The following EPHB2 variants were observed in gnomAD, a reference collection of about 807,000 sequenced individuals.
EPHB2 encodes EPH receptor B2, also known as ephrin type-B receptor 2.
In EPHB2, 18 loss-of-function variants were observed where a neutral mutation model predicts 96.4. The observed-to-expected ratio is 0.19, with a 90% CI of 0.13 to 0.28. The LOEUF is 0.28. Ranked by LOEUF, EPHB2 falls within the 10% of genes least tolerant of loss-of-function variation. The pLI, the probability that EPHB2 is intolerant of heterozygous loss-of-function variation, is 1.00. For missense variants in EPHB2, 989 were observed against 1,355.4 expected, an observed-to-expected ratio of 0.73 and a Z score of 4.25; for synonymous variants, 506 against 534.1, an observed-to-expected ratio of 0.95 and a Z score of 0.72.
chr1:22,817,937 C>CAGCGTATA (rs1645096911), intron 3 of EPHB2, among the ~76,000 whole-genome samples: 3 of 152,154 alleles, frequency 2.0e-5, no homozygotes, highest in African/African-American at 7.2e-5. Flanking sequence ...GGACAGAGGT[C>CAGCGTATA]AGCGTATAAG....
intron 3 of EPHB2, among the ~76,000 whole-genome samples, chr1:22,838,158 GC>G (rs1645412188): frequency 1.3e-5 from 2 of 152,192 alleles, no homozygotes; most frequent in African/African-American, 4.8e-5. Flanking sequence ...TGTGACCCTA[GC>G]AGATCCCATG....
Position 22,909,251 on chromosome 1 carries a change from C to T in EPHB2, c.2502+80C>T, listed in dbSNP as rs1437242273. 11 of 1,605,900 alleles carry T rather than the reference C, an allele frequency of 6.8e-6. No individual in the cohort carries two copies. In the Admixed American group the frequency reaches 1.3e-4, roughly 20 times the overall value. ...AAGATCGGGGCTCCTGGCCTTGTGC[C>T]AGTCTCCCAGAGTGTGGGACATAGG... On this transcript the variant is annotated intron_variant, in intron 13 of 15. Transcript: ENST00000374630.
At chr1:22,781,605 CCT>C (rs1644534427) in intron 2 of EPHB2, 120 bp downstream of exon 2, 4 of 913,902 alleles carry the variant, frequency 4.4e-6, no homozygotes, top group Admixed American at 2.0e-5. Context: ...CAGAGCCAGG[CCT>C]CTCTCAGCCC....
chr1:22,784,973 C>A lies in EPHB2; in HGVS notation c.708C>A (p.Pro236=), dbSNP rs146009391. Residue 236 remains proline (P), a synonymous_variant, in exon 3 of 16, where the codon CCC becomes CCA. Transcript: ENST00000374630. The surrounding 1 kb of genome is among the most constrained non-coding windows in gnomAD (Gnocchi z 5.1). ...CCAATGCGGAAGAGGTGGATGTACCCATCAAGCTCTACTGTAACGGGGACG... is the reference window on the plus strand; with the variant it reads ...CCAATGCGGAAGAGGTGGATGTACCAATCAAGCTCTACTGTAACGGGGACG... ...CIANAEEVDV[P]IKLYCNGDGE... is the part of the protein sequence containing the mutation. 5 of 1,614,034 alleles carry A rather than the reference C, an allele frequency of 3.1e-6. No individual in the cohort carries two copies. The highest frequency in any genetic ancestry group is 3.4e-6 in the Non-Finnish European group (4 of 1,180,056).
chr1:22,887,573 T>C (rs1016595492), intron 6 of EPHB2, among the ~76,000 whole-genome samples: 34 of 152,208 alleles, frequency 2.2e-4, no homozygotes, highest in Admixed American at 2.2e-3. Flanking sequence ...AGCTGACAAC[T>C]GCGTTGCTAG....
intron 3 of EPHB2, among the ~76,000 whole-genome samples, chr1:22,809,559 C>T (rs1017759568): frequency 6.6e-6 from 1 of 152,068 alleles, no homozygotes; most frequent in Non-Finnish European, 1.5e-5. Context: ...GAATCCTCAC[C>T]ATCTCTCTGC....
At chr1:22,852,429 G>A (rs1301648905) in intron 3 of EPHB2, among the ~76,000 whole-genome samples, 1 of 152,228 alleles carries the variant, frequency 6.6e-6, no homozygotes, top group African/African-American at 2.4e-5. Flanking sequence ...CTTCACCAGA[G>A]TGGGGAGCCA....
In EPHB2 at chr1:22,895,532, G is replaced by C. The variant is rs991894179; in HGVS notation, c.1652G>C (p.Gly551Ala). The C allele has an allele frequency of 6.2e-7, 1 of 1,614,242 alleles. No homozygotes were observed. The highest frequency in any genetic ancestry group is 8.5e-7 in the Non-Finnish European group (1 of 1,180,038). ...CTCATCATCGGCTCCTCGGCCGCTG[G>C]CCTGGTCTTCCTCATTGCTGTGGTT... is the stretch of plus-strand genomic sequence containing the variant. Reference protein sequence around the residue: ...LPLIIGSSAAGLVFLIAVVVI... With the variant: ...LPLIIGSSAAALVFLIAVVVI... Residue 551 changes from glycine to alanine, a missense_variant, in exon 8 of 16, where the codon GGC becomes GCC. Coordinates refer to ENST00000374630, the MANE Select transcript of EPHB2 (RefSeq NM_017449.5).
At chr1:22,752,401 G>T (rs991738735) in intron 1 of EPHB2, among the ~76,000 whole-genome samples, 1 of 152,190 alleles carries the variant, frequency 6.6e-6, no homozygotes, top group South Asian at 2.1e-4. Context: ...GGAAGCTGAG[G>T]TGGGAGGATG....
At chr1:22,894,929 T>C (rs1171263925) in intron 7 of EPHB2, among the ~76,000 whole-genome samples, 1 of 152,224 alleles carries the variant, frequency 6.6e-6, no homozygotes, top group African/African-American at 2.4e-5. Context: ...TAATATTGAT[T>C]GAATGCTTGC....
At chr1:22,741,939 G>C (rs1046599250) in intron 1 of EPHB2, among the ~76,000 whole-genome samples, 1 of 152,102 alleles carries the variant, frequency 6.6e-6, no homozygotes, top group Non-Finnish European at 1.5e-5. Context: ...AACTAGTTCT[G>C]TGTCTCCAGT....
intron 1 of EPHB2, among the ~76,000 whole-genome samples, chr1:22,778,699 TC>T (rs1644487125): frequency 6.6e-6 from 1 of 152,212 alleles, no homozygotes; most frequent in Non-Finnish European, 1.5e-5. Flanking sequence ...TTACTTCCAG[TC>T]CTTCTGAGAT....
intron 1 of EPHB2, among the ~76,000 whole-genome samples, chr1:22,744,926 T>C (rs550411334): frequency 6.6e-6 from 1 of 152,028 alleles, no homozygotes; most frequent in African/African-American, 2.4e-5. Flanking sequence ...TCAGTGGAAG[T>C]AGATTGTCAT....
chr1:22,849,293 T>C (rs1645589085), intron 3 of EPHB2, among the ~76,000 whole-genome samples: 2 of 152,178 alleles, frequency 1.3e-5, no homozygotes, highest in South Asian at 4.1e-4. Context: ...AAGTGATCCC[T>C]CTGAGGACCG....
intron 1 of EPHB2, among the ~76,000 whole-genome samples, chr1:22,755,548 G>T (rs535168267): frequency 5.3e-5 from 8 of 152,108 alleles, no homozygotes; most frequent in Non-Finnish European, 7.4e-5. Flanking sequence ...TAGACAAATG[G>T]TGAGGACAGA....
At chr1:22,719,421 G>A (rs1374404636) in intron 1 of EPHB2, 5 of 154,214 alleles carry the variant, frequency 3.2e-5, no homozygotes, top group Non-Finnish European at 7.3e-5. Flanking sequence ...TGTTTCTGGC[G>A]TTTCTGAAAA....
intron 2 of EPHB2, 94 bp downstream of exon 2, chr1:22,781,579 C>G: frequency 7.6e-7 from 1 of 1,313,356 alleles, no homozygotes. Flanking sequence ...TAACCCCTTT[C>G]CCCCTCTTCA....
rs1027638988 is a variant in EPHB2, at chr1:22,863,973, C to T, written c.967+781C>T. ...AACTCCCGGGCTCAAGGAATCTTCC[C>T]GCATCCTCCCAAAGTGCTGGATTAC... On this transcript the variant is annotated intron_variant, in intron 4 of 15. Coordinates refer to ENST00000374630, the MANE Select transcript of EPHB2 (RefSeq NM_017449.5). Among the ~76,000 whole-genome samples, 6 of 152,038 alleles carry T rather than the reference C, an allele frequency of 3.9e-5. No individual in the cohort carries two copies. The East Asian group carries it at 7.7e-4, about 20-fold the overall frequency.
At chr1:22,759,378 AC>A (rs5773018) in intron 1 of EPHB2, among the ~76,000 whole-genome samples, 140,665 of 151,926 alleles carry the variant, frequency 0.93, 66,090 homozygotes, top group East Asian at 1. Flanking sequence ...TCTCAACAGT[AC>A]CTGTTACTCT....
Sources: gnomAD v4.1 joint callset for allele counts (sites outside exome capture counted in the v4.1 genomes callset) on GRCh38, gnomAD v4.1.1 for gene constraint, Gnocchi (gnomAD v3.1) non-coding constraint, MANE v1.5 for transcripts, NCBI Gene and HGNC (gene_info 2026-07-23, HGNC 2026-07-21) for gene names.